The following NCOA1 variants were observed in gnomAD, a reference collection of about 807,000 sequenced individuals.
The protein encoded by NCOA1 is Hin-2 protein.
Under a neutral mutation model 150.9 loss-of-function variants are expected in NCOA1, and 35 were observed. The ratio of observed to expected loss-of-function variants is 0.23; its 90% CI spans 0.18 to 0.31. The LOEUF (loss-of-function observed/expected upper bound fraction) is 0.31. Ranked by LOEUF, NCOA1 falls within the 10% of genes least tolerant of loss-of-function variation. The pLI is 1.00. For missense variants in NCOA1, 1,491 were observed against 1,749.3 expected, an observed-to-expected ratio of 0.85 and a Z score of 2.63; for synonymous variants, 590 against 630.0, an observed-to-expected ratio of 0.94 and a Z score of 0.95.
At chr2:24,751,537 C>T (rs56151026) in intron 19 of NCOA1, among the ~76,000 whole-genome samples, 6,384 of 150,368 alleles carry the variant, frequency 0.042, 209 homozygotes, top group African/African-American at 0.094. Flanking sequence ...GAGCCAAGAT[C>T]GCACCACTGC....
At chr2:24,734,540 A>AC (rs1055615749) in intron 17 of NCOA1, among the ~76,000 whole-genome samples, 4 of 151,916 alleles carry the variant, frequency 2.6e-5, no homozygotes, top group South Asian at 2.1e-4. Flanking sequence ...TACACCTATA[A>AC]CCCCCCCATT....
chr2:24,506,935 A>G (rs996952457), intron 1 of NCOA1, among the ~76,000 whole-genome samples: 2 of 152,238 alleles, frequency 1.3e-5, no homozygotes, highest in Non-Finnish European at 2.9e-5. Flanking sequence ...GTAATGCAAT[A>G]AACATTTATT....
intron 4 of NCOA1, among the ~76,000 whole-genome samples, chr2:24,650,117 G>T (rs1558873329): frequency 6.6e-6 from 1 of 152,148 alleles, no homozygotes; most frequent in Non-Finnish European, 1.5e-5. Flanking sequence ...TAATGGTTAA[G>T]AACGTTGGCA....
At chr2:24,506,290 A>G (rs528396224) in intron 1 of NCOA1, among the ~76,000 whole-genome samples, 181 of 152,162 alleles carry the variant, frequency 1.2e-3, no homozygotes, top group South Asian at 2.1e-4. Flanking sequence ...TTATGTAGTC[A>G]TCATGACTTT....
At position 24,729,932 on chromosome 2, in the gene NCOA1, G is replaced by A. The variant is rs773576477; in HGVS notation, c.3201+117G>A. On this transcript the variant is annotated intron_variant, in intron 17 of 22. Coordinates refer to ENST00000348332, the MANE Select transcript of NCOA1 (RefSeq NM_003743.5). ...GCTATCTCAGCCCACTGCAACCGCC[G>A]CCTCCCAGGTTCAAGCAATTCTCCT... The A allele has an allele frequency of 2.8e-4, 303 of 1,096,898 alleles. 1 individual carries two copies. The highest frequency in any genetic ancestry group is 3.4e-4 in the Non-Finnish European group (264 of 782,584). The allele number at this position is 1,096,898 out of a possible 1,614,324, so 67.9% of individuals were successfully genotyped here. A position where few individuals can be genotyped will look rare whatever the true frequency, so the allele number is the denominator to read the frequency against.
intron 3 of NCOA1, among the ~76,000 whole-genome samples, chr2:24,628,196 A>T (rs556937976): frequency 1.3e-5 from 2 of 152,032 alleles, no homozygotes; most frequent in East Asian, 3.9e-4. Context: ...GCTACTTGGG[A>T]CGCTGAGGCA....
intron 9 of NCOA1, among the ~76,000 whole-genome samples, chr2:24,692,094 AAACTT>A (rs1672690803): frequency 6.6e-6 from 1 of 152,206 alleles, no homozygotes; most frequent in Non-Finnish European, 1.5e-5. Flanking sequence ...TATAAGGAGA[AAACTT>A]AAGAACAGAT....
At chr2:24,739,133 T>G (rs1190983176) in intron 17 of NCOA1, among the ~76,000 whole-genome samples, 1 of 152,004 alleles carries the variant, frequency 6.6e-6, no homozygotes, top group Non-Finnish European at 1.5e-5. Flanking sequence ...TATTAACATG[T>G]TTTTTTGTTG....
At chr2:24,517,191 T>G (rs1664237854) in intron 1 of NCOA1, among the ~76,000 whole-genome samples, 2 of 151,896 alleles carry the variant, frequency 1.3e-5, no homozygotes, top group African/African-American at 4.8e-5. Context: ...TGATTTTGAT[T>G]ACTTTGGTTC....
At chr2:24,642,037 T>TGTGTGTGTGTGTGTGCGTGC (rs942145000) in intron 3 of NCOA1, among the ~76,000 whole-genome samples, 5 of 138,452 alleles carry the variant, frequency 3.6e-5, no homozygotes, top group African/African-American at 1.3e-4. Context: ...TGTGTGTGTG[T>TGTGTGTGTGTGTGTGCGTGC]GCGCGCGTGC....
chr2:24,494,420 C>G lies in NCOA1; in HGVS notation c.-396+2818C>G, dbSNP rs1663110084. On this transcript the variant is annotated intron_variant, in intron 1 of 22. Transcript: ENST00000348332. ...ATTGTTTGAATGTTATGTTGCATAT[C>G]TTATGGAGTTGGCTGGCCTTAAGCC... is the stretch of plus-strand genomic sequence containing the variant. Among the ~76,000 whole-genome samples, 4 of 152,078 alleles carry G rather than the reference C, an allele frequency of 2.6e-5. No homozygotes were observed. In the South Asian group the frequency reaches 8.3e-4, roughly 32 times the overall value.
Position 24,588,234 on chromosome 2 carries a change from G to T in NCOA1, c.-175+3674G>T, listed in dbSNP as rs55881946. On this transcript the variant is annotated intron_variant, in intron 3 of 22. Coordinates refer to ENST00000348332, the MANE Select transcript of NCOA1 (RefSeq NM_003743.5). ...CGAGTAGCTGGGACTACAGGTGCTC[G>T]CCACCATACCCATTAATTTTTCTGT... is the stretch of plus-strand genomic sequence containing the variant. 1.2e-3 allele frequency among the ~76,000 whole-genome samples: 183 copies of T among 152,152 alleles called. 2 individuals carry two copies. Among genetic ancestry groups the T allele is most frequent in the Non-Finnish European group, 2.2e-3 (149 of 68,006 alleles).
intron 1 of NCOA1, among the ~76,000 whole-genome samples, chr2:24,518,748 C>G (rs917554262): frequency 6.6e-6 from 1 of 152,068 alleles, no homozygotes; most frequent in African/African-American, 2.4e-5. Context: ...CTATGAAGTA[C>G]TTAGAGATAA....
chr2:24,500,243 G>C (rs1476017103), intron 1 of NCOA1, among the ~76,000 whole-genome samples: 1 of 152,080 alleles, frequency 6.6e-6, no homozygotes. Flanking sequence ...CTAGTAGCTG[G>C]GATTACAGGC....
chr2:24,697,904 T>A, intron 11 of NCOA1, 106 bp downstream of exon 11: 1 of 1,236,022 alleles, frequency 8.1e-7, no homozygotes, highest in Non-Finnish European at 1.1e-6. Context: ...CAAATTATAG[T>A]TTTTGCAATA....
chr2:24,648,358 C>T (rs979229283), intron 4 of NCOA1, among the ~76,000 whole-genome samples: 1 of 151,876 alleles, frequency 6.6e-6, no homozygotes, highest in Admixed American at 6.6e-5. Flanking sequence ...ACTGCATCCT[C>T]CGCCTCCCGG....
chr2:24,502,556 G>A (rs10865294), intron 1 of NCOA1, among the ~76,000 whole-genome samples: 122,912 of 152,098 alleles, frequency 0.81, 51,524 homozygotes, highest in East Asian at 0.99. Context: ...GTTCCTCATT[G>A]CTGTCAAGAT....
chr2:24,516,165 A>G (rs550421096), intron 1 of NCOA1, among the ~76,000 whole-genome samples: 6 of 130,030 alleles, frequency 4.6e-5, no homozygotes, highest in African/African-American at 1.7e-4. Context: ...TTTTCTCTTT[A>G]TGAATATAAA....
intron 17 of NCOA1, among the ~76,000 whole-genome samples, chr2:24,738,999 T>C (rs986265647): frequency 7.2e-5 from 11 of 152,202 alleles, no homozygotes; most frequent in African/African-American, 2.2e-4. Flanking sequence ...TGCTCAACTT[T>C]CCCTTCATCT....
Sources: allele counts gnomAD v4.1 joint callset (sites outside exome capture counted in the v4.1 genomes callset), GRCh38; gene constraint gnomAD v4.1.1; transcripts MANE v1.5; gene names NCBI Gene and HGNC (gene_info 2026-07-23, HGNC 2026-07-21).